QTGAL: variants seen among roughly 807,000 people sequenced by gnomAD.
QTGAL encodes the protein BGnT-like protein 1.
At chr17:83,009,988 G>A in the QTGAL span, among the ~76,000 whole-genome samples, 18 of 144,500 alleles carry the variant, frequency 1.2e-4, no homozygotes, top group African/African-American at 4.3e-4. Context: ...GGGAGCTGTG[G>A]AGGCCCCTGG....
the QTGAL span, among the ~76,000 whole-genome samples, chr17:82,963,297 G>A: frequency 3.3e-5 from 5 of 152,146 alleles, no homozygotes; most frequent in Admixed American, 2.0e-4. Flanking sequence ...CCCAGGGCTC[G>A]TCCCCAGCGC....
chr17:83,037,915 C>T, the QTGAL span, among the ~76,000 whole-genome samples: 1 of 152,134 alleles, frequency 6.6e-6, no homozygotes. The surrounding 1 kb of genome is among the most constrained non-coding windows in gnomAD (Gnocchi z 5.2). Flanking sequence ...TTGGGGAGGC[C>T]AGTCCCTTTG....
the QTGAL span, among the ~76,000 whole-genome samples, chr17:83,050,822 A>G: frequency 9.3e-5 from 14 of 150,510 alleles, 1 homozygote; most frequent in Middle Eastern, 3.5e-3. Flanking sequence ...GTGTGCAGGT[A>G]GGTGTGTGGG....
At chr17:82,953,164 G>A in the QTGAL span, among the ~76,000 whole-genome samples, 1 of 152,070 alleles carries the variant, frequency 6.6e-6, no homozygotes, top group African/African-American at 2.4e-5. Flanking sequence ...AAATTCAAAA[G>A]CTAGCAAAAG....
At chr17:82,962,382 C>T in the QTGAL span, among the ~76,000 whole-genome samples, 1 of 152,352 alleles carries the variant, frequency 6.6e-6, no homozygotes, top group Non-Finnish European at 1.5e-5. Flanking sequence ...GTCAGCCCTG[C>T]TAAAAGTTTA....
At chr17:82,956,072 G>A in the QTGAL span, among the ~76,000 whole-genome samples, 6,949 of 152,096 alleles carry the variant, frequency 0.046, 344 homozygotes, top group African/African-American at 0.12. This position sits in a 1 kb window ranked among gnomAD's most constrained non-coding sequence, Gnocchi z 5.7. Context: ...CCTACATGGC[G>A]GGTTGATAGG....
the QTGAL span, among the ~76,000 whole-genome samples, chr17:83,014,776 G>A: frequency 3.9e-5 from 6 of 152,234 alleles, no homozygotes; most frequent in African/African-American, 4.8e-5. Context: ...GTAAGAAAAC[G>A]ATAGACAATC....
At chr17:83,035,944 G>A in the QTGAL span, among the ~76,000 whole-genome samples, 1 of 151,950 alleles carries the variant, frequency 6.6e-6, no homozygotes, top group Non-Finnish European at 1.5e-5. Flanking sequence ...TGATGGGCTG[G>A]TGGAGGTCAC....
chr17:83,017,546 C>A, the QTGAL span, among the ~76,000 whole-genome samples: 1 of 152,104 alleles, frequency 6.6e-6, no homozygotes, highest in South Asian at 2.1e-4. Context: ...TCACTTGAAC[C>A]TGGAGGTGGA....
At chr17:82,970,114 G>A in the QTGAL span, among the ~76,000 whole-genome samples, 1 of 152,202 alleles carries the variant, frequency 6.6e-6, no homozygotes, top group African/African-American at 2.4e-5. Flanking sequence ...GTGCTTCTGC[G>A]TCGTGACAGG....
At chr17:83,046,565 A>G in the QTGAL span, among the ~76,000 whole-genome samples, 1 of 152,272 alleles carries the variant, frequency 6.6e-6, no homozygotes, top group Non-Finnish European at 1.5e-5. Context: ...ATAATTTAAA[A>G]AACAGAAAAT....
the QTGAL span, among the ~76,000 whole-genome samples, chr17:83,000,914 C>T: frequency 0.024 from 3,661 of 152,278 alleles, 159 homozygotes; most frequent in African/African-American, 0.084. Context: ...AAATGTAAAA[C>T]TGCTGTGCAG....
the QTGAL span, among the ~76,000 whole-genome samples, chr17:82,974,370 G>C: frequency 2.0e-5 from 3 of 152,174 alleles, 1 homozygote; most frequent in Non-Finnish European, 4.4e-5. Context: ...TGGCCGCCTC[G>C]AGCAGAGGCC....
At chr17:83,030,450 C>T in the QTGAL span, among the ~76,000 whole-genome samples, 10 of 152,210 alleles carry the variant, frequency 6.6e-5, no homozygotes, top group African/African-American at 9.7e-5. Flanking sequence ...GCCTCTGACA[C>T]GGGACAGGCC....
chr17:82,960,199 C>T, the QTGAL span, among the ~76,000 whole-genome samples: 8 of 152,124 alleles, frequency 5.3e-5, no homozygotes, highest in Admixed American at 4.6e-4. Context: ...CTCCTGCCAA[C>T]CCCCCAGCCC....
chr17:83,035,890 G>A, the QTGAL span, among the ~76,000 whole-genome samples: 1 of 105,166 alleles, frequency 9.5e-6, no homozygotes, highest in Non-Finnish European at 2.2e-5. Context: ...ATGAGCTGGT[G>A]GAGGTCACTG....
chr17:82,985,618 A>T, the QTGAL span, among the ~76,000 whole-genome samples: 1 of 152,138 alleles, frequency 6.6e-6, no homozygotes, highest in African/African-American at 2.4e-5. Flanking sequence ...CCAAGAATCA[A>T]AAGCAGCAGA....
the QTGAL span, chr17:82,957,491 C>A: frequency 6.2e-7 from 1 of 1,601,068 alleles, no homozygotes; most frequent in South Asian, 1.1e-5. Context: ...TCCAGATGGT[C>A]GTCCTGCGGT....
the QTGAL span, among the ~76,000 whole-genome samples, chr17:83,045,861 C>A: frequency 1.3e-4 from 19 of 149,850 alleles, no homozygotes; most frequent in Non-Finnish European, 2.5e-4. Flanking sequence ...TGTTGCCAGG[C>A]TGGAGTCCAA....
Sources: gnomAD v4.1 joint callset for allele counts (sites outside exome capture counted in the v4.1 genomes callset) on GRCh38, gnomAD v4.1.1 for gene constraint, Gnocchi (gnomAD v3.1) non-coding constraint, MANE v1.5 for transcripts, NCBI Gene and HGNC (gene_info 2026-07-23, HGNC 2026-07-21) for gene names.